Variants in SRPRA observed in about 807,000 individuals in gnomAD.
SRPRA encodes the protein SRP receptor subunit alpha, also known as signal recognition particle receptor subunit alpha.
Under a neutral mutation model 61.1 loss-of-function variants are expected in SRPRA, and 30 were observed. That is an observed-to-expected ratio of 0.49 (90% CI 0.37 to 0.67). The LOEUF (loss-of-function observed/expected upper bound fraction) is 0.67, where lower values mean the gene tolerates loss of function less well. Ranked by LOEUF, SRPRA falls within the 30% of genes least tolerant of loss-of-function variation. The pLI is 0.00. For synonymous variants in SRPRA, 324 were observed against 299.7 expected (o/e 1.08, Z -0.84); for missense variants, 759 against 828.4 (o/e 0.92, Z 1.03).
the SRPRA span, among the ~76,000 whole-genome samples, chr11:126,257,464 A>G: frequency 6.6e-6 from 1 of 152,182 alleles, no homozygotes; most frequent in Non-Finnish European, 1.5e-5. Flanking sequence ...GCCAATATTT[A>G]TTTAATTGAT....
At chr11:126,262,198 C>T (rs1016501527), downstream of SRPRA, 1 of 1,556,966 alleles carries the variant, frequency 6.4e-7, no homozygotes. Flanking sequence ...CAGTGTTTAA[C>T]AAGTAAACTT....
chr11:126,250,292 C>T, the SRPRA span, among the ~76,000 whole-genome samples: 3 of 152,000 alleles, frequency 2.0e-5, no homozygotes, highest in Admixed American at 6.6e-5. The surrounding 1 kb of genome is among the most constrained non-coding windows in gnomAD (Gnocchi z 5.1). Flanking sequence ...GGGGTTTCAC[C>T]GTGTTAGCCA....
chr11:126,253,661 G>A, the SRPRA span, among the ~76,000 whole-genome samples: 1 of 152,034 alleles, frequency 6.6e-6, no homozygotes, highest in African/African-American at 2.4e-5. This position sits in a 1 kb window ranked among gnomAD's most constrained non-coding sequence, Gnocchi z 5.1. Flanking sequence ...GCTGATTTTT[G>A]CACCCTCTTC....
At chr11:126,237,446 C>T in the SRPRA span, among the ~76,000 whole-genome samples, 236 of 144,912 alleles carry the variant, frequency 1.6e-3, no homozygotes, top group Non-Finnish European at 2.0e-3. Flanking sequence ...CCATGTTGAC[C>T]AGGCTGATCT....
chr11:126,268,894 A>C lies in SRPRA; in HGVS notation c.-90T>G. ...TGCTGCGCCAAGCGCGGGACACGTCACACCAGTGGCCCCGGAAATCGGCTC... is the reference window on the plus strand; with the variant it reads ...TGCTGCGCCAAGCGCGGGACACGTCCCACCAGTGGCCCCGGAAATCGGCTC... On this transcript the variant is annotated 5_prime_UTR_variant, in exon 1 of 14. Transcript: ENST00000332118. 1 of 1,075,958 alleles carries C rather than the reference A, an allele frequency of 9.3e-7. No homozygotes were observed. 66.7% of individuals were successfully genotyped at this position (1,075,958 alleles called of 1,614,324 possible).
chr11:126,263,914 C>G lies in SRPRA; in HGVS notation c.*2G>C. The stretch of plus-strand genomic sequence containing the variant: ...GCGATTTGGTATTGGGCAAGAGCCA[C>G]GTTAAGCCTTCATGAGGGCAGCCAC... On this transcript the variant is annotated 3_prime_UTR_variant, in exon 14 of 14. Transcript: ENST00000332118. The G allele has an allele frequency of 6.2e-7, 1 of 1,613,898 alleles. No homozygotes were observed.
Position 126,267,228 on chromosome 11 carries a change from T to G in SRPRA, c.473A>C (p.Glu158Ala), listed in dbSNP as rs200922787. The G allele has an allele frequency of 6.2e-7, 1 of 1,614,106 alleles. No homozygotes were observed. Among genetic ancestry groups the G allele is most frequent in the African/African-American group, 1.3e-5 (1 of 75,006 alleles). The change falls in exon 4 of 14, where the codon GAA (glutamate) becomes GCA (alanine). Residue 158 changes from glutamate to alanine, a missense_variant. By Grantham distance (107) the Glu-to-Ala change is moderately radical. Transcript: ENST00000332118. The surrounding 1 kb of genome is among the most constrained non-coding windows in gnomAD (Gnocchi z 4.2). ...ATTCTTTGCTTTTTCCTTGGGCTTT[T>G]CCCCCCGTGTCTCAATCATGGACCT... ...PVRSMIETRG[E>A]KPKEKAKNSK...
the SRPRA span, among the ~76,000 whole-genome samples, chr11:126,238,945 T>C: frequency 6.6e-6 from 1 of 151,934 alleles, no homozygotes; most frequent in Non-Finnish European, 1.5e-5. Flanking sequence ...AACACAATTG[T>C]TAAATGTTTT....
the SRPRA span, among the ~76,000 whole-genome samples, chr11:126,257,605 A>ATTTTTTTTT: frequency 7.1e-6 from 1 of 140,964 alleles, no homozygotes; most frequent in Non-Finnish European, 1.5e-5. Flanking sequence ...AGAATTGTAC[A>ATTTTTTTTT]TTTTTTTTTT....
chr11:126,248,878 G>A, the SRPRA span, among the ~76,000 whole-genome samples: 1 of 152,166 alleles, frequency 6.6e-6, no homozygotes. Context: ...TCACAGACAG[G>A]CTAGGGATCA....
At chr11:126,266,671 G>A (rs1024454181) in intron 5 of SRPRA, 42 bp from the exon 6 acceptor site, 2 of 1,609,128 alleles carry the variant, frequency 1.2e-6, no homozygotes, top group East Asian at 2.2e-5. Context: ...TGGAGAAGTA[G>A]GAAAGGAAAC....
chr11:126,242,325 C>T, the SRPRA span, among the ~76,000 whole-genome samples: 1 of 152,204 alleles, frequency 6.6e-6, no homozygotes, highest in African/African-American at 2.4e-5. Context: ...GATGGTGGCT[C>T]ATGCCTATAA....
downstream of SRPRA, among the ~76,000 whole-genome samples, chr11:126,258,914 T>C (rs1232603406): frequency 6.6e-6 from 1 of 152,254 alleles, no homozygotes; most frequent in Non-Finnish European, 1.5e-5. Context: ...CTAAGATTGC[T>C]CTAAGGAACC....
chr11:126,236,125 T>G, the SRPRA span, among the ~76,000 whole-genome samples: 6 of 152,350 alleles, frequency 3.9e-5, no homozygotes, highest in East Asian at 1.2e-3. Flanking sequence ...TGATATTTGC[T>G]ATTTCCCATT....
Position 126,265,621 on chromosome 11 carries a change from T to G in SRPRA, c.1138+116A>C. On this transcript the variant is annotated intron_variant, in intron 9 of 13. Coordinates refer to ENST00000332118, the MANE Select transcript of SRPRA (RefSeq NM_003139.4). This position sits in a 1 kb window ranked among gnomAD's most constrained non-coding sequence, Gnocchi z 6.3. The stretch of plus-strand genomic sequence containing the variant: ...AATCCTCTCAATAACCCTTAAAATC[T>G]AGGTTACAGAGGTTTAGAGGTTAAG... 2 of 1,282,650 alleles carry G rather than the reference T, an allele frequency of 1.6e-6. No homozygotes were observed. The highest frequency in any genetic ancestry group is 2.2e-6 in the Non-Finnish European group (2 of 905,906). 79.5% of individuals were successfully genotyped at this position (1,282,650 alleles called of 1,614,324 possible).
chr11:126,252,664 G>A, the SRPRA span, among the ~76,000 whole-genome samples: 1 of 151,992 alleles, frequency 6.6e-6, no homozygotes, highest in East Asian at 1.9e-4. The surrounding 1 kb of genome is among the most constrained non-coding windows in gnomAD (Gnocchi z 4.7). Flanking sequence ...GATCGATTGA[G>A]CTGAGGCAGT....
chr11:126,266,565 C>T lies in SRPRA; in HGVS notation c.751G>A (p.Gly251Ser). ...AACACTTCTTTGTTAGCACAGCCAC[C>T]CAGTTCCCACACCCGGGGTGCTTTT... ...GKKAPRVWEL[G>S]GCANKEVLDY... The change falls in exon 6 of 14, where the codon GGT (glycine) becomes AGT (serine). Residue 251 changes from glycine (G) to serine (S), a missense_variant. Coordinates refer to ENST00000332118, the MANE Select transcript of SRPRA (RefSeq NM_003139.4). 5.0e-6 allele frequency: 8 copies of T among 1,614,202 alleles called. No individual in the cohort carries two copies. The highest frequency in any genetic ancestry group is 6.8e-6 in the Non-Finnish European group (8 of 1,180,042).
rs776973110 is a variant in SRPRA at position 126,264,061 on chromosome 11, G to T, written c.1789-17C>A. On this transcript the variant is annotated splice_polypyrimidine_tract_variant and intron_variant, in intron 13 of 13. Transcript: ENST00000332118. This position sits in a 1 kb window ranked among gnomAD's most constrained non-coding sequence, Gnocchi z 5.0. ...AGCTCCCACCTAAGTGGAGAAAGAG[G>T]ACAGCCCATCAACACAAGCCCACTT... The T allele has an allele frequency of 6.2e-7, 1 of 1,613,972 alleles. No individual in the cohort carries two copies. Among genetic ancestry groups the T allele is most frequent in the Non-Finnish European group, 8.5e-7 (1 of 1,179,924 alleles).
At chr11:126,243,380 C>T in the SRPRA span, among the ~76,000 whole-genome samples, 3 of 151,478 alleles carry the variant, frequency 2.0e-5, no homozygotes, top group African/African-American at 7.3e-5. Flanking sequence ...ACAAGCATCA[C>T]TTGGGCCCTG....
Sources: allele counts gnomAD v4.1 joint callset (sites outside exome capture counted in the v4.1 genomes callset), GRCh38; gene constraint gnomAD v4.1.1; non-coding constraint Gnocchi (gnomAD v3.1); transcripts MANE v1.5; gene names NCBI Gene and HGNC (gene_info 2026-07-23, HGNC 2026-07-21).